PRKN: variants seen among roughly 807,000 people sequenced by gnomAD.
PRKN encodes the protein parkin RBR E3 ubiquitin protein ligase.
In PRKN, 56 loss-of-function variants were observed where a neutral mutation model predicts 59.5. That is an observed-to-expected ratio of 0.94 (90% CI 0.76 to 1.18). The LOEUF is 1.18. Among genes scored for constraint, PRKN ranks in the 50% most tolerant of loss-of-function variants. The pLI is 0.00. For synonymous variants in PRKN, 250 were observed against 222.1 expected, an observed-to-expected ratio of 1.13 and a Z score of -1.12; for missense variants, 657 against 596.4, an observed-to-expected ratio of 1.10 and a Z score of -1.06.
intron 6 of PRKN, among the ~76,000 whole-genome samples, chr6:161,818,485 A>G (rs1467275884): frequency 6.6e-6 from 1 of 151,928 alleles, no homozygotes; most frequent in Non-Finnish European, 1.5e-5. Context: ...GGCCTATGCC[A>G]CCATGCCTGG....
intron 3 of PRKN, among the ~76,000 whole-genome samples, chr6:162,209,036 G>A (rs1296673000): frequency 6.6e-6 from 1 of 152,110 alleles, no homozygotes; most frequent in Non-Finnish European, 1.5e-5. Context: ...ACACAGGCAT[G>A]GGCAAGGACT....
chr6:161,524,986 T>C (rs900456261), intron 9 of PRKN, among the ~76,000 whole-genome samples: 7 of 152,204 alleles, frequency 4.6e-5, no homozygotes, highest in Non-Finnish European at 8.8e-5. Context: ...GTTTTAAAAT[T>C]TCTTACATCT....
chr6:162,346,635 C>A (rs890789818), intron 2 of PRKN, among the ~76,000 whole-genome samples: 4 of 151,576 alleles, frequency 2.6e-5, no homozygotes. Flanking sequence ...CCCCCACCCC[C>A]AAAAACAAGA....
intron 1 of PRKN, among the ~76,000 whole-genome samples, chr6:162,460,364 A>G (rs1791094545): frequency 2.0e-5 from 3 of 152,200 alleles, no homozygotes; most frequent in South Asian, 2.1e-4. Context: ...GGTGGTGGAC[A>G]GTGTTTGGGG....
intron 7 of PRKN, among the ~76,000 whole-genome samples, chr6:161,681,471 G>C (rs1445808662): frequency 6.9e-6 from 1 of 145,306 alleles, no homozygotes; most frequent in Non-Finnish European, 1.5e-5. Context: ...TTTTTCTCCT[G>C]ATTGTCTTTG....
intron 4 of PRKN, among the ~76,000 whole-genome samples, chr6:162,058,669 T>C (rs1379493998): frequency 1.3e-5 from 2 of 152,124 alleles, no homozygotes; most frequent in East Asian, 3.9e-4. Flanking sequence ...GGAGCACTAA[T>C]AGGCCGGGCA....
chr6:161,898,287 G>A (rs532733224), intron 6 of PRKN, among the ~76,000 whole-genome samples: 34 of 151,670 alleles, frequency 2.2e-4, no homozygotes, highest in South Asian at 1.0e-3. Context: ...TTTACTTAAA[G>A]TTTCATGAGG....
At chr6:161,994,426 G>T (rs943522840) in intron 5 of PRKN, among the ~76,000 whole-genome samples, 15 of 152,192 alleles carry the variant, frequency 9.9e-5, no homozygotes, top group African/African-American at 3.1e-4. Context: ...TGACTAGGAT[G>T]CCCACTCTCA....
At chr6:161,860,588 G>T (rs1179682513) in intron 6 of PRKN, among the ~76,000 whole-genome samples, 1 of 152,098 alleles carries the variant, frequency 6.6e-6, no homozygotes, top group African/African-American at 2.4e-5. Flanking sequence ...TAAAACCTTG[G>T]AGTCTGTTTT....
At chr6:161,374,118 CA>C (rs1395134073) in intron 10 of PRKN, among the ~76,000 whole-genome samples, 2 of 152,152 alleles carry the variant, frequency 1.3e-5, no homozygotes, top group African/African-American at 4.8e-5. Context: ...AGAGAATTGC[CA>C]GGGGCGCTTT....
chr6:162,139,298 G>A (rs917847955), intron 4 of PRKN, among the ~76,000 whole-genome samples: 3 of 152,164 alleles, frequency 2.0e-5, no homozygotes, highest in African/African-American at 7.2e-5. Flanking sequence ...ACCATCTTAA[G>A]TCCTTGTAGA....
chr6:162,010,758 A>G (rs1432482085), intron 5 of PRKN, among the ~76,000 whole-genome samples: 1 of 5,438 alleles, frequency 1.8e-4, no homozygotes, highest in Non-Finnish European at 2.2e-4. Flanking sequence ...AATATACAAT[A>G]TATAATATAT....
chr6:161,628,729 C>T (rs73782956), intron 7 of PRKN, among the ~76,000 whole-genome samples: 8,014 of 152,212 alleles, frequency 0.053, 358 homozygotes, highest in African/African-American at 0.11. Context: ...TACTGCAGTA[C>T]CGTTCATTGT....
At chr6:162,233,407 C>T (rs1778507882) in intron 3 of PRKN, among the ~76,000 whole-genome samples, 1 of 152,022 alleles carries the variant, frequency 6.6e-6, no homozygotes, top group Non-Finnish European at 1.5e-5. Flanking sequence ...AAATGCTATA[C>T]AAATATGCAC....
chr6:162,457,016 T>C (rs749225386), intron 1 of PRKN, among the ~76,000 whole-genome samples: 1 of 152,212 alleles, frequency 6.6e-6, no homozygotes, highest in Non-Finnish European at 1.5e-5. Flanking sequence ...GGCATTTGTT[T>C]GCAGTACGAA....
intron 4 of PRKN, among the ~76,000 whole-genome samples, chr6:162,079,957 A>G: frequency 6.6e-6 from 1 of 152,210 alleles, no homozygotes; most frequent in East Asian, 1.9e-4. Flanking sequence ...GCTATTGCCT[A>G]CTACAAGCAC....
At chr6:161,836,245 C>A (rs1354355318) in intron 6 of PRKN, among the ~76,000 whole-genome samples, 1 of 152,284 alleles carries the variant, frequency 6.6e-6, no homozygotes, top group East Asian at 1.9e-4. Flanking sequence ...AATTTCCACA[C>A]AGGGTCCTGA....
intron 4 of PRKN, among the ~76,000 whole-genome samples, chr6:162,101,618 G>A (rs1562513968): frequency 6.6e-6 from 1 of 151,804 alleles, no homozygotes; most frequent in African/African-American, 2.4e-5. Flanking sequence ...CTTGCAGTGA[G>A]CCGAGATCGT....
chr6:162,388,759 G>T (rs1412502305), intron 2 of PRKN, among the ~76,000 whole-genome samples: 1 of 152,108 alleles, frequency 6.6e-6, no homozygotes, highest in Admixed American at 6.5e-5. Context: ...CATTACATGT[G>T]CCCAGGGGGC....
Sources: gnomAD v4.1 joint callset for allele counts (sites outside exome capture counted in the v4.1 genomes callset) on GRCh38, gnomAD v4.1.1 for gene constraint, MANE v1.5 for transcripts, NCBI Gene and HGNC (gene_info 2026-07-23, HGNC 2026-07-21) for gene names.